The following NECTIN4 variants were observed in gnomAD, a reference collection of about 807,000 sequenced individuals.
NECTIN4 encodes the protein nectin-4.
Under a neutral mutation model 51.7 loss-of-function variants are expected in NECTIN4, and 19 were observed. The observed-to-expected ratio is 0.37, with a 90% CI of 0.26 to 0.54. The LOEUF is 0.54. Among genes scored for constraint, NECTIN4 ranks in the 20% least tolerant of loss-of-function variants. The pLI, the probability that NECTIN4 is intolerant of heterozygous loss-of-function variation, is 0.86. For synonymous variants in NECTIN4, 283 were observed against 286.9 expected (o/e 0.99, Z 0.14); for missense variants, 619 against 662.4 (o/e 0.93, Z 0.72).
intron 4 of NECTIN4, among the ~76,000 whole-genome samples, chr1:161,075,441 T>C (rs1348766326): frequency 1.3e-5 from 2 of 152,224 alleles, no homozygotes; most frequent in Non-Finnish European, 2.9e-5. Flanking sequence ...ATATAAAATA[T>C]TAATATCGAA....
In NECTIN4 at chr1:161,072,649, G is replaced by T. The variant is rs1428764314; in HGVS notation, c.*12C>A. On this transcript the variant is annotated 3_prime_UTR_variant, in exon 9 of 9. Coordinates refer to ENST00000368012, the MANE Select transcript of NECTIN4 (RefSeq NM_030916.3). ...GAAGGAGCCAGGCCTAGGGAAGGGA[G>T]GCAGGCCTGGGTCAGACCAGGTGTC... The T allele has an allele frequency of 5.0e-6, 8 of 1,609,138 alleles. No homozygotes were observed. The Middle Eastern group carries it at 6.6e-4, about 133-fold the overall frequency.
At position 161,074,692 on chromosome 1, in the gene NECTIN4, T is replaced by C; in HGVS notation, c.919A>G (p.Thr307Ala). The C allele has an allele frequency of 2.5e-6, 4 of 1,614,200 alleles. No homozygotes were observed. Among genetic ancestry groups the C allele is most frequent in the Non-Finnish European group, 3.4e-6 (4 of 1,180,032 alleles). The stretch of plus-strand genomic sequence containing the variant: ...CAGACGTAGATGCCGCTGTGCTCAG[T>C]GGTCAGTGGGGGAAAGCCCAAAGTG... ...GDTLGFPPLT[T>A]EHSGIYVCHV... The change falls in exon 5 of 9, where the codon ACT becomes GCT. Residue 307 changes from threonine to alanine, a missense_variant. By Grantham distance (58) the Thr-to-Ala change is moderately conservative. Around this residue, in one of 3 missense-constraint regions of NECTIN4, gnomAD observed 364 missense variants for 415.7 expected, o/e 0.88. Coordinates refer to ENST00000368012, the MANE Select transcript of NECTIN4 (RefSeq NM_030916.3).
rs755908086 is a variant in NECTIN4 at position 161,073,288 on chromosome 1, A to C, written c.1245T>G (p.Ser415Arg). The C allele has an allele frequency of 1.9e-6, 3 of 1,613,660 alleles. No individual in the cohort carries two copies. The highest frequency in any genetic ancestry group is 4.5e-5 in the East Asian group (2 of 44,852). ...HTDPRSQPEE[S>R]VGLRAEGHPD... The stretch of plus-strand genomic sequence containing the variant: ...GGTGGCCCTCGGCTCTCAGCCCTAC[A>C]CTCTCCTCCGGCTGCAGGGCCCAGA... Residue 415 changes from serine to arginine, a missense_variant, in exon 8 of 9, where the codon AGT (serine) becomes AGG (arginine). By Grantham distance (110) the Ser-to-Arg change is moderately radical. Transcript: ENST00000368012.
At chr1:161,081,335 G>A (rs1653668027) in intron 1 of NECTIN4, among the ~76,000 whole-genome samples, 1 of 152,010 alleles carries the variant, frequency 6.6e-6, no homozygotes, top group South Asian at 2.1e-4. Flanking sequence ...TGCAGCCTGG[G>A]TGCAGTAGTG....
Position 161,077,497 on chromosome 1 carries a change from C to T in NECTIN4, c.686G>A (p.Gly229Asp). ...GGTGATCCTTTGGTCCTGGAGCAGGCCAGGATGGGACACCACACAAGTCAG... is the reference window on the plus strand; with the variant it reads ...GGTGATCCTTTGGTCCTGGAGCAGGTCAGGATGGGACACCACACAAGTCAG... ...QPLTCVVSHP[G>D]LLQDQRITHI... Residue 229 changes from glycine to aspartate, a missense_variant, in exon 3 of 9, where the codon GGC (glycine) becomes GAC (aspartate). By Grantham distance (94) the Gly-to-Asp change is moderately conservative (BLOSUM62 -1). Transcript: ENST00000368012. 2.5e-6 allele frequency: 4 copies of T among 1,614,152 alleles called. No homozygotes were observed. The highest frequency in any genetic ancestry group is 3.4e-6 in the Non-Finnish European group (4 of 1,180,038).
At chr1:161,086,836 G>A (rs1054678897) in intron 1 of NECTIN4, 2 of 152,324 alleles carry the variant, frequency 1.3e-5, no homozygotes, top group African/African-American at 4.8e-5. Flanking sequence ...AGGAAGGCCT[G>A]GGGAAAGGTA....
intron 1 of NECTIN4, among the ~76,000 whole-genome samples, chr1:161,080,963 G>C (rs1653655186): frequency 6.6e-6 from 1 of 152,176 alleles, no homozygotes; most frequent in African/African-American, 2.4e-5. Context: ...CTGTGGGATG[G>C]GGCAATCACT....
In NECTIN4 at chr1:161,072,441, A is replaced by T; in HGVS notation, c.*220T>A. ...ACAGTCAGTCAACACTCACACAGGC[A>T]CACATGCACACACACAGTGACCTGC... On this transcript the variant is annotated 3_prime_UTR_variant, in exon 9 of 9. Transcript: ENST00000368012. 1.6e-6 allele frequency: 1 copy of T among 617,226 alleles called. No individual in the cohort carries two copies. Among genetic ancestry groups the T allele is most frequent in the Non-Finnish European group, 2.9e-6 (1 of 341,736 alleles). The allele number at this position is 617,226 out of a possible 1,614,324, so 38.2% of individuals were successfully genotyped here. A position where few individuals can be genotyped will look rare whatever the true frequency, so the allele number is the denominator to read the frequency against.
At chr1:161,086,563 CAA>C (rs1257606331) in intron 1 of NECTIN4, among the ~76,000 whole-genome samples, 1 of 152,194 alleles carries the variant, frequency 6.6e-6, no homozygotes, top group Non-Finnish European at 1.5e-5. Context: ...CTGAACCCGA[CAA>C]AGAGCTAGGG....
At position 161,077,625 on chromosome 1, in the gene NECTIN4, C is replaced by T; in HGVS notation, c.558G>A (p.Glu186=). ...AACGGCTGGACGTTGTGCCTTTGAC[C>T]TCCGTGTCCCAGGTCACGCTGGGGG... ...SPAPSVTWDT[E]VKGTTSSRSF... is the part of the protein sequence containing the mutation. Residue 186 remains glutamate (E), a synonymous_variant, in exon 3 of 9, where the codon GAG becomes GAA. Transcript: ENST00000368012. 6 of 1,613,726 alleles carry T rather than the reference C, an allele frequency of 3.7e-6. No individual in the cohort carries two copies. The highest frequency in any genetic ancestry group is 5.1e-6 in the Non-Finnish European group (6 of 1,180,034).
chr1:161,076,840 T>C, intron 3 of NECTIN4, among the ~76,000 whole-genome samples: 1 of 152,258 alleles, frequency 6.6e-6, no homozygotes, highest in Non-Finnish European at 1.5e-5. Flanking sequence ...ACAATCCTAC[T>C]AGTTCATTCA....
At chr1:161,077,791 A>G (rs1367354287) in intron 2 of NECTIN4, 48 bp from the exon 3 acceptor site, 1 of 1,548,342 alleles carries the variant, frequency 6.5e-7, no homozygotes, top group East Asian at 2.3e-5. Context: ...AATCCCTGTC[A>G]GGAGGCCCCC....
chr1:161,073,727 C>T lies in NECTIN4; in HGVS notation c.1226G>A (p.Arg409Lys). 1.9e-6 allele frequency: 3 copies of T among 1,614,122 alleles called. No homozygotes were observed. Among genetic ancestry groups the T allele is most frequent in the Non-Finnish European group, 2.5e-6 (3 of 1,179,950 alleles). ...RRLHSHHTDP[R>K]SQPEESVGLR... ...CCCAACCTTGGCACACACCTGGCTC[C>T]TGGGGTCCGTGTGATGGGAATGCAG... Residue 409 changes from arginine to lysine, a missense_variant, in exon 7 of 9, where the codon AGG becomes AAG. By Grantham distance (26) the Arg-to-Lys change is conservative. Coordinates refer to ENST00000368012, the MANE Select transcript of NECTIN4 (RefSeq NM_030916.3).
chr1:161,079,143 G>A (rs770673327), intron 2 of NECTIN4, among the ~76,000 whole-genome samples: 3 of 152,208 alleles, frequency 2.0e-5, no homozygotes, highest in Non-Finnish European at 4.4e-5. Context: ...GACCCACATT[G>A]TAAAAAATAC....
At chr1:161,082,958 C>T (rs1653755338) in intron 1 of NECTIN4, among the ~76,000 whole-genome samples, 2 of 152,154 alleles carry the variant, frequency 1.3e-5, no homozygotes, top group Admixed American at 1.3e-4. Context: ...TTTTCCATCC[C>T]TATTCCTATA....
chr1:161,081,699 A>G (rs140195750), intron 1 of NECTIN4, among the ~76,000 whole-genome samples: 6 of 152,122 alleles, frequency 3.9e-5, no homozygotes, highest in Non-Finnish European at 5.9e-5. Flanking sequence ...ACCTCTGCTC[A>G]CACCGTACCC....
rs980527026 is a variant in NECTIN4 at position 161,071,130 on chromosome 1, G to A, written c.*1531C>T. 1 of 152,184 alleles carries A rather than the reference G, an allele frequency of 6.6e-6. No individual in the cohort carries two copies. The highest frequency in any genetic ancestry group is 1.5e-5 in the Non-Finnish European group (1 of 68,048). The allele number at this position is 152,184 out of a possible 1,614,324, so 9.4% of individuals were successfully genotyped here. ...CGAAGTCCTAGGCTGGCTGGGGAAC[G>A]AAGGATGGGAGCCTCTCCCTTAGGC... On this transcript the variant is annotated 3_prime_UTR_variant, in exon 9 of 9. Coordinates refer to ENST00000368012, the MANE Select transcript of NECTIN4 (RefSeq NM_030916.3).
Position 161,073,805 on chromosome 1 carries a change from A to G in NECTIN4, c.1158-10T>C. The G allele has an allele frequency of 6.2e-7, 1 of 1,613,210 alleles. No individual in the cohort carries two copies. On this transcript the variant is annotated splice_polypyrimidine_tract_variant and intron_variant, in intron 6 of 8. Transcript: ENST00000368012. ...GGTCAGCTCCTCCTCACTGGGAAAG[A>G]CACACCCTTGTCAGGAGCTGAGGGT...
chr1:161,077,537 T>C lies in NECTIN4; in HGVS notation c.646A>G (p.Met216Val). The C allele has an allele frequency of 6.2e-7, 1 of 1,614,098 alleles. No homozygotes were observed. Among genetic ancestry groups the C allele is most frequent in the East Asian group, 2.2e-5 (1 of 44,882 alleles). Residue 216 changes from methionine to valine, a missense_variant, in exon 3 of 9, where the codon ATG (methionine) becomes GTG (valine). Met to Val is a conservative substitution (Grantham distance 21, BLOSUM62 1). Around this residue, in one of 3 missense-constraint regions of NECTIN4, gnomAD observed 364 missense variants for 415.7 expected, o/e 0.88. Coordinates refer to ENST00000368012, the MANE Select transcript of NECTIN4 (RefSeq NM_030916.3). ...ACACAAGTCAGTGGCTGCCCATTCA[T>C]GCTGCGGCTAGGCACCAAGTGGAAC... ...SEFHLVPSRS[M>V]NGQPLTCVVS...
Sources: allele counts gnomAD v4.1 joint callset (sites outside exome capture counted in the v4.1 genomes callset), GRCh38; gene constraint gnomAD v4.1.1; regional missense constraint gnomAD v4.1.1; transcripts MANE v1.5; gene names NCBI Gene and HGNC (gene_info 2026-07-23, HGNC 2026-07-21).